Variants in GRM7 observed in about 807,000 individuals in gnomAD.
GRM7 encodes glutamate metabotropic receptor 7, also known as metabotropic glutamate receptor 7.
Under a neutral mutation model 84.5 loss-of-function variants are expected in GRM7, and 35 were observed. The observed-to-expected ratio is 0.41, with a 90% CI of 0.32 to 0.55. GRM7 has a LOEUF of 0.55. GRM7 is among the 20% of genes least tolerant of loss of function. GRM7 has a pLI of 0.19. For synonymous variants in GRM7, 487 were observed against 455.1 expected, an observed-to-expected ratio of 1.07 and a Z score of -0.89; for missense variants, 1,003 against 1,194.6, an observed-to-expected ratio of 0.84 and a Z score of 2.36.
At chr3:6,897,351 G>A (rs534567731) in intron 1 of GRM7, among the ~76,000 whole-genome samples, 1 of 152,172 alleles carries the variant, frequency 6.6e-6, no homozygotes, top group Non-Finnish European at 1.5e-5. Context: ...CTCTGGGATT[G>A]AGCCCCAGTG....
chr3:7,315,412 T>C (rs930672408), intron 4 of GRM7, among the ~76,000 whole-genome samples: 2 of 152,238 alleles, frequency 1.3e-5, no homozygotes, highest in African/African-American at 4.8e-5. Flanking sequence ...TAATGCTGTA[T>C]ATTGCATGCC....
At chr3:7,163,110 C>T (rs1248839209) in intron 2 of GRM7, among the ~76,000 whole-genome samples, 3 of 152,076 alleles carry the variant, frequency 2.0e-5, no homozygotes, top group South Asian at 4.2e-4. Context: ...CATCTTCCTC[C>T]TCCTCCAGTC....
chr3:7,678,765 C>T (rs1329104430), intron 8 of GRM7, among the ~76,000 whole-genome samples: 1 of 152,160 alleles, frequency 6.6e-6, no homozygotes, highest in Non-Finnish European at 1.5e-5. Flanking sequence ...GCAAAGTTGT[C>T]TTTGATTTCA....
At chr3:7,022,694 G>T (rs111364585) in intron 1 of GRM7, among the ~76,000 whole-genome samples, 1 of 151,640 alleles carries the variant, frequency 6.6e-6, no homozygotes, top group Non-Finnish European at 1.5e-5. Context: ...TTGGAAGAAA[G>T]AGCCCATGAA....
intron 1 of GRM7, among the ~76,000 whole-genome samples, chr3:6,888,457 C>G (rs1451158268): frequency 6.6e-6 from 1 of 152,080 alleles, no homozygotes; most frequent in Non-Finnish European, 1.5e-5. Flanking sequence ...TATGGCTGGC[C>G]AGTTTTCCCA....
chr3:6,960,564 A>G (rs1405099073), intron 1 of GRM7, among the ~76,000 whole-genome samples: 2 of 152,182 alleles, frequency 1.3e-5, no homozygotes, highest in Non-Finnish European at 2.9e-5. Context: ...ATTTATCCCT[A>G]TAACCCGTTA....
intron 4 of GRM7, among the ~76,000 whole-genome samples, chr3:7,361,560 C>T (rs979395945): frequency 1.3e-4 from 19 of 151,994 alleles, no homozygotes; most frequent in African/African-American, 4.6e-4. Flanking sequence ...TTGTGTTTTC[C>T]TGTGGTTCCG....
chr3:7,276,431 T>C (rs542072942), intron 2 of GRM7, among the ~76,000 whole-genome samples: 80 of 152,062 alleles, frequency 5.3e-4, no homozygotes, highest in African/African-American at 1.9e-3. Flanking sequence ...TAAAGAAGCA[T>C]TGCATGGCGA....
chr3:7,680,350 A>AG (rs562855410), intron 9 of GRM7, 55 bp downstream of exon 9: 3 of 1,580,650 alleles, frequency 1.9e-6, no homozygotes, highest in Non-Finnish European at 2.6e-6. Flanking sequence ...AAGCTCTAGA[A>AG]GATGTGGGGT....
chr3:7,686,631 A>G (rs768378837), intron 9 of GRM7, among the ~76,000 whole-genome samples: 2 of 151,974 alleles, frequency 1.3e-5, no homozygotes, highest in Middle Eastern at 3.4e-3. Flanking sequence ...ATGCCTGCTT[A>G]ATTTTCTAAG....
At chr3:7,214,256 G>T (rs1696528024) in intron 2 of GRM7, among the ~76,000 whole-genome samples, 1 of 152,180 alleles carries the variant, frequency 6.6e-6, no homozygotes, top group Admixed American at 6.5e-5. Context: ...CTGCAGGAAA[G>T]TGAGAAAACA....
intron 2 of GRM7, among the ~76,000 whole-genome samples, chr3:7,268,884 G>A (rs930471794): frequency 3.3e-5 from 5 of 152,144 alleles, no homozygotes; most frequent in African/African-American, 7.2e-5. Context: ...TTGGTGGACC[G>A]AGTCCAGGAG....
At chr3:7,328,113 C>G (rs1197141971) in intron 4 of GRM7, among the ~76,000 whole-genome samples, 2 of 152,174 alleles carry the variant, frequency 1.3e-5, no homozygotes. Flanking sequence ...CACTAAAATT[C>G]AGTGACTGCG....
chr3:7,435,141 G>T (rs543903780), intron 5 of GRM7, among the ~76,000 whole-genome samples: 55 of 151,062 alleles, frequency 3.6e-4, no homozygotes, highest in Admixed American at 1.4e-3. Flanking sequence ...TAGTGATGAG[G>T]TTTCCTTCAT....
intron 9 of GRM7, among the ~76,000 whole-genome samples, chr3:7,732,009 C>T (rs1023890708): frequency 3.9e-5 from 6 of 152,114 alleles, no homozygotes; most frequent in African/African-American, 1.4e-4. Context: ...TGAGTGCAAA[C>T]TCCATCTTCC....
At chr3:7,726,769 A>T (rs1329282859) in intron 9 of GRM7, among the ~76,000 whole-genome samples, 1 of 148,918 alleles carries the variant, frequency 6.7e-6, no homozygotes, top group African/African-American at 2.5e-5. Flanking sequence ...GTTCTACAAA[A>T]CCTCAATATC....
chr3:7,191,075 T>A (rs926794738), intron 2 of GRM7, among the ~76,000 whole-genome samples: 1 of 152,148 alleles, frequency 6.6e-6, no homozygotes, highest in East Asian at 1.9e-4. Flanking sequence ...CTTTTAAAAA[T>A]TTTATTTAGA....
intron 1 of GRM7, among the ~76,000 whole-genome samples, chr3:6,905,366 T>C (rs71298404): frequency 6.6e-6 from 1 of 152,178 alleles, no homozygotes; most frequent in African/African-American, 2.4e-5. Context: ...ATATTACAAG[T>C]GTATCTTATA....
At chr3:7,362,352 A>G (rs1693701971) in intron 4 of GRM7, among the ~76,000 whole-genome samples, 1 of 151,916 alleles carries the variant, frequency 6.6e-6, no homozygotes. Flanking sequence ...ACACACACAC[A>G]CACACACACT....
Sources: gnomAD v4.1 joint callset for allele counts (sites outside exome capture counted in the v4.1 genomes callset) on GRCh38, gnomAD v4.1.1 for gene constraint, MANE v1.5 for transcripts, NCBI Gene and HGNC (gene_info 2026-07-23, HGNC 2026-07-21) for gene names.